The following SLIRP variants were observed in gnomAD, a reference collection of about 807,000 sequenced individuals.
SLIRP encodes the protein SRA stem-loop interacting RNA binding protein.
A neutral mutation model predicts 13.4 loss-of-function variants in SLIRP; 12 were observed. The ratio of observed to expected loss-of-function variants is 0.89; its 90% CI spans 0.57 to 1.45. SLIRP has a LOEUF of 1.45. Among genes scored for constraint, SLIRP ranks in the 40% most tolerant of loss-of-function variants. The pLI is 0.00. For synonymous variants in SLIRP, 55 were observed against 47.1 expected, an observed-to-expected ratio of 1.17 and a Z score of -0.69; for missense variants, 154 against 132.2, an observed-to-expected ratio of 1.17 and a Z score of -0.81.
intron 3 of SLIRP, chr14:77,716,313 T>TCAAA (rs200025390): frequency 4.3e-5 from 5 of 115,036 alleles, no homozygotes; most frequent in South Asian, 6.8e-4. Context: ...AGACTCCATC[T>TCAAA]CAAACAAACA....
At chr14:77,709,080 A>T (rs2080419281) in intron 1 of SLIRP, among the ~76,000 whole-genome samples, 1 of 152,228 alleles carries the variant, frequency 6.6e-6, no homozygotes, top group Admixed American at 6.5e-5. Flanking sequence ...CAGTGTAAGT[A>T]CTCAGCAAAT....
chr14:77,716,383 A>G (rs1180282480), intron 3 of SLIRP: 1 of 152,524 alleles, frequency 6.6e-6, no homozygotes, highest in Non-Finnish European at 1.5e-5. Context: ...GCAGTGGTTC[A>G]TGCCTATAAT....
At chr14:77,709,095 GT>G (rs558858205) in intron 1 of SLIRP, among the ~76,000 whole-genome samples, 3 of 152,184 alleles carry the variant, frequency 2.0e-5, no homozygotes, top group Non-Finnish European at 4.4e-5. Flanking sequence ...GCAAATGATA[GT>G]TATTTTCACG....
rs770754191 is a variant in SLIRP at position 77,715,846 on chromosome 14, A to G, written c.231A>G (p.Leu77=). ...FSSEEGLRNA[L]QQENHIIDGV... ...CAGAAGAAGGACTTCGGAATGCACT[A>G]CAACAGGAAAATCATATTATAGATG... Residue 77 remains leucine, a synonymous_variant, in exon 3 of 4, where the codon CTA becomes CTG. Coordinates refer to ENST00000557342, the MANE Select transcript of SLIRP (RefSeq NM_031210.6). 1 of 1,614,096 alleles carries G rather than the reference A, an allele frequency of 6.2e-7. No homozygotes were observed. Among genetic ancestry groups the G allele is most frequent in the South Asian group, 1.1e-5 (1 of 91,076 alleles).
At chr14:77,714,283 G>A (rs2270443) in intron 2 of SLIRP, among the ~76,000 whole-genome samples, 51,288 of 151,916 alleles carry the variant, frequency 0.34, 9,876 homozygotes, top group East Asian at 0.5. Context: ...TGTGATTACA[G>A]GCATGAGCCA....
chr14:77,710,505 AAC>A (rs1202149056), intron 1 of SLIRP: 8 of 1,118,508 alleles, frequency 7.2e-6, no homozygotes, highest in Non-Finnish European at 9.7e-6. Flanking sequence ...TATACCGGGA[AAC>A]ACACTGGATT....
chr14:77,709,842 C>T (rs1451631335), intron 1 of SLIRP, among the ~76,000 whole-genome samples: 2 of 152,176 alleles, frequency 1.3e-5, no homozygotes, highest in East Asian at 3.9e-4. Context: ...CCATTAGAGC[C>T]CTTCAAAATT....
chr14:77,715,622 G>A (rs753046325), intron 2 of SLIRP, 150 bp from the exon 3 acceptor site: 5 of 666,610 alleles, frequency 7.5e-6, no homozygotes, highest in Non-Finnish European at 5.1e-6. Context: ...CCCAGCCTGG[G>A]TGACAGAGCA....
rs1483348482 is a variant in SLIRP, at chr14:77,716,493, C to CA, written c.264+622dup. ...AGAAACCCCATCTCTACTAAAAATA[C>CA]AAAAAAAATTAGATGGGCGTGGTGG... On this transcript the variant is annotated intron_variant, in intron 3 of 3. Coordinates refer to ENST00000557342, the MANE Select transcript of SLIRP (RefSeq NM_031210.6). The CA allele has an allele frequency of 1.0e-4, 15 of 150,418 alleles. No individual in the cohort carries two copies. The East Asian group carries it at 2.6e-3, about 26-fold the overall frequency. 9.3% of individuals were successfully genotyped at this position (150,418 alleles called of 1,614,324 possible). A position where few individuals can be genotyped will look rare whatever the true frequency, so the allele number is the denominator to read the frequency against.
chr14:77,708,084 C>G, upstream of SLIRP: 1 of 1,611,168 alleles, frequency 6.2e-7, no homozygotes. Context: ...GCCGCGACCT[C>G]GGCTCGAGAA....
At chr14:77,714,375 A>G (rs571567053) in intron 2 of SLIRP, among the ~76,000 whole-genome samples, 111 of 152,288 alleles carry the variant, frequency 7.3e-4, no homozygotes, top group Non-Finnish European at 1.2e-3. Context: ...ATCTCAGCTC[A>G]CTGCAATCGC....
At chr14:77,713,953 AAAAT>A (rs1181516536) in intron 2 of SLIRP, among the ~76,000 whole-genome samples, 7 of 152,324 alleles carry the variant, frequency 4.6e-5, no homozygotes, top group Middle Eastern at 3.4e-3. Context: ...TTGGTAAAAC[AAAAT>A]AAAATATGAC....
intron 3 of SLIRP, 147 bp from the exon 4 acceptor site, chr14:77,717,349 A>G (rs1424406360): frequency 1.6e-5 from 11 of 696,204 alleles, no homozygotes; most frequent in Non-Finnish European, 2.7e-5. Context: ...GGTAAAAGGA[A>G]TTTGAGGAGA....
chr14:77,715,238 G>A (rs1595066884), intron 2 of SLIRP, among the ~76,000 whole-genome samples: 1 of 152,028 alleles, frequency 6.6e-6, no homozygotes, highest in African/African-American at 2.4e-5. Context: ...CTCATGACCC[G>A]TATCTTCTCT....
chr14:77,712,967 C>T (rs1186240398), intron 2 of SLIRP, among the ~76,000 whole-genome samples: 1 of 146,512 alleles, frequency 6.8e-6, no homozygotes. Context: ...GGAGTGACAT[C>T]CCATTACTTT....
intron 1 of SLIRP, among the ~76,000 whole-genome samples, chr14:77,710,038 G>A (rs1437097996): frequency 6.6e-6 from 1 of 152,192 alleles, no homozygotes; most frequent in Non-Finnish European, 1.5e-5. Flanking sequence ...TGAGGTTTTG[G>A]TGAACTAGGA....
chr14:77,712,707 A>C (rs182834903), intron 2 of SLIRP, among the ~76,000 whole-genome samples: 1 of 152,140 alleles, frequency 6.6e-6, no homozygotes, highest in Non-Finnish European at 1.5e-5. Flanking sequence ...GGGCTTCCCA[A>C]AATGCTGGGA....
Position 77,715,821 on chromosome 14 carries a change from CAG to C in SLIRP, c.208_209del (p.Glu70ArgfsTer24). On this transcript the variant is annotated frameshift_variant, in exon 3 of 4. Transcript: ENST00000557342. LOFTEE classifies it high-confidence loss of function. ...GGTTTGGGTTGGGTTCAGTTTTCTT[CAG>C]AAGAAGGACTTCGGAATGCACTACA... 1 of 1,614,034 alleles carries C rather than the reference CAG, an allele frequency of 6.2e-7. No individual in the cohort carries two copies. The highest frequency in any genetic ancestry group is 8.5e-7 in the Non-Finnish European group (1 of 1,180,010).
chr14:77,714,746 G>A (rs1180265212), intron 2 of SLIRP, among the ~76,000 whole-genome samples: 1 of 152,196 alleles, frequency 6.6e-6, no homozygotes, highest in East Asian at 1.9e-4. Context: ...TCCTTATAAA[G>A]TTATCCTTGA....
Sources: gnomAD v4.1 joint callset for allele counts (sites outside exome capture counted in the v4.1 genomes callset) on GRCh38, gnomAD v4.1.1 for gene constraint, MANE v1.5 for transcripts, NCBI Gene and HGNC (gene_info 2026-07-23, HGNC 2026-07-21) for gene names.